RTTN: variants seen among roughly 807,000 people sequenced by gnomAD.
RTTN encodes rotatin.
In RTTN, 182 loss-of-function variants were observed where a neutral mutation model predicts 269.2. The ratio of observed to expected loss-of-function variants is 0.68; its 90% CI spans 0.60 to 0.76. RTTN has a LOEUF of 0.76. Ranked by LOEUF, RTTN falls within the 30% of genes least tolerant of loss-of-function variation. The pLI is 0.00. For missense variants in RTTN, 2,545 were observed against 2,608.6 expected, an observed-to-expected ratio of 0.98 and a Z score of 0.53; for synonymous variants, 1,006 against 963.5, an observed-to-expected ratio of 1.04 and a Z score of -0.82.
intron 22 of RTTN, 70 bp from the exon 23 acceptor site, chr18:70,134,611 C>T: frequency 9.7e-7 from 1 of 1,027,840 alleles, no homozygotes; most frequent in Non-Finnish European, 1.5e-6. Flanking sequence ...ACAAATACAA[C>T]TTACCTCACT....
intron 40 of RTTN, among the ~76,000 whole-genome samples, chr18:70,040,937 G>A (rs955897557): frequency 7.9e-5 from 12 of 152,108 alleles, no homozygotes; most frequent in African/African-American, 2.7e-4. Flanking sequence ...ATGATAATGG[G>A]GCCAGGTGTG....
intron 30 of RTTN, 54 bp downstream of exon 30, chr18:70,092,056 T>G: frequency 1.7e-6 from 2 of 1,162,566 alleles, no homozygotes; most frequent in Non-Finnish European, 2.6e-6. Context: ...CCTGGCCCCG[T>G]GTCATTTGTT....
chr18:70,007,641 G>T (rs982804035), intron 46 of RTTN: 1 of 152,242 alleles, frequency 6.6e-6, no homozygotes, highest in African/African-American at 2.4e-5. Context: ...AAGGCACTGG[G>T]AAGTTCAAAC....
At chr18:70,074,823 A>T (rs1034892693) in intron 33 of RTTN, 2 of 151,874 alleles carry the variant, frequency 1.3e-5, no homozygotes, top group African/African-American at 4.8e-5. Context: ...AAGGAATAAA[A>T]AGGTTTCAGG....
intron 22 of RTTN, 36 bp downstream of exon 22, chr18:70,135,148 T>C (rs2060093847): frequency 2.6e-6 from 3 of 1,173,396 alleles, no homozygotes; most frequent in South Asian, 2.8e-5. Flanking sequence ...AGATAAATAG[T>C]TAAGAGTAAA....
Position 70,003,992 on chromosome 18 carries a change from T to C in RTTN, c.*159A>G, listed in dbSNP as rs1173561972. 3 of 548,392 alleles carry C rather than the reference T, an allele frequency of 5.5e-6. No homozygotes were observed. Among genetic ancestry groups the C allele is most frequent in the Non-Finnish European group, 6.5e-6 (2 of 308,170 alleles). The allele number at this position is 548,392 out of a possible 1,614,324, so 34.0% of individuals were successfully genotyped here. A position where few individuals can be genotyped will look rare whatever the true frequency, so the allele number is the denominator to read the frequency against. On this transcript the variant is annotated 3_prime_UTR_variant, in exon 49 of 49. Coordinates refer to ENST00000640769, the MANE Select transcript of RTTN (RefSeq NM_173630.4). ...GGAGAGCTGCCACAACTGGACGGTG[T>C]TGGAGTATCACCAGTTCTCTCTCTC...
intron 5 of RTTN, among the ~76,000 whole-genome samples, chr18:70,198,461 C>A (rs1194531048): frequency 2.0e-5 from 3 of 152,146 alleles, no homozygotes; most frequent in African/African-American, 4.8e-5. Context: ...GAATTCATGT[C>A]ATTATTAAAA....
chr18:70,003,403 C>A lies in RTTN; in HGVS notation c.*748G>T, dbSNP rs1396094835. 6.6e-6 allele frequency: 1 copy of A among 152,096 alleles called. No homozygotes were observed. Among genetic ancestry groups the A allele is most frequent in the Admixed American group, 6.6e-5 (1 of 15,264 alleles). 9.4% of individuals were successfully genotyped at this position (152,096 alleles called of 1,614,324 possible). A position where few individuals can be genotyped will look rare whatever the true frequency, so the allele number is the denominator to read the frequency against. On this transcript the variant is annotated 3_prime_UTR_variant, in exon 49 of 49. Transcript: ENST00000640769. Reference sequence around the variant, plus strand: ...GTTTTGGGCTGAGCTAAATTTGAACCCAGGCTTATACAGCCCCAACTCTAT... The same window carrying A: ...GTTTTGGGCTGAGCTAAATTTGAACACAGGCTTATACAGCCCCAACTCTAT...
intron 35 of RTTN, among the ~76,000 whole-genome samples, chr18:70,061,091 TTTTC>T: frequency 6.6e-6 from 1 of 152,298 alleles, no homozygotes; most frequent in African/African-American, 2.4e-5. Flanking sequence ...TATACTTTTT[TTTTC>T]TTTTAGATAT....
At chr18:70,051,615 A>C (rs2057671655) in intron 38 of RTTN, 67 bp from the exon 39 acceptor site, 2 of 1,235,492 alleles carry the variant, frequency 1.6e-6, no homozygotes, top group South Asian at 3.0e-5. Flanking sequence ...TCAAGATATA[A>C]AACTTACCAC....
chr18:70,157,331 G>A (rs1414486472), intron 14 of RTTN, among the ~76,000 whole-genome samples: 1 of 152,188 alleles, frequency 6.6e-6, no homozygotes, highest in Admixed American at 6.5e-5. Flanking sequence ...CCCAGGGTTA[G>A]AGCACACAGC....
chr18:70,027,204 T>G (rs1211487761), intron 43 of RTTN, among the ~76,000 whole-genome samples: 1 of 152,134 alleles, frequency 6.6e-6, no homozygotes, highest in Non-Finnish European at 1.5e-5. Context: ...CCTTCCAGTA[T>G]GAAAACCCCT....
chr18:70,086,267 A>G (rs2058695514), intron 32 of RTTN, among the ~76,000 whole-genome samples: 2 of 152,188 alleles, frequency 1.3e-5, no homozygotes, highest in Admixed American at 6.5e-5. Flanking sequence ...AGGACAAACT[A>G]TTTAAACTCT....
intron 40 of RTTN, among the ~76,000 whole-genome samples, chr18:70,034,187 A>G (rs1022880718): frequency 1.3e-5 from 2 of 151,990 alleles, no homozygotes; most frequent in Non-Finnish European, 2.9e-5. Flanking sequence ...AGAAGTAGGA[A>G]CTCCTCCTCA....
intron 9 of RTTN, among the ~76,000 whole-genome samples, chr18:70,188,582 T>C (rs531122930): frequency 6.6e-6 from 1 of 152,366 alleles, no homozygotes; most frequent in South Asian, 2.1e-4. Context: ...AGAAAACGTA[T>C]TCCAATAATT....
intron 9 of RTTN, among the ~76,000 whole-genome samples, chr18:70,190,154 C>T (rs2061636876): frequency 6.6e-6 from 1 of 151,970 alleles, no homozygotes; most frequent in Admixed American, 6.6e-5. Flanking sequence ...TGCCAGTCCA[C>T]CTTTTATACC....
chr18:70,152,429 A>T (rs938986129), intron 14 of RTTN, among the ~76,000 whole-genome samples: 24 of 152,186 alleles, frequency 1.6e-4, no homozygotes, highest in Admixed American at 7.2e-4. Context: ...ATTCAATGAG[A>T]TAATATACTT....
intron 40 of RTTN, among the ~76,000 whole-genome samples, chr18:70,037,713 T>C (rs4891388): frequency 0.81 from 122,743 of 152,092 alleles, 53,950 homozygotes; most frequent in East Asian, 1. Context: ...AAGACTCCTT[T>C]TGTTTGAGAA....
chr18:70,026,505 T>C (rs1199723241), intron 43 of RTTN, among the ~76,000 whole-genome samples: 1 of 152,122 alleles, frequency 6.6e-6, no homozygotes, highest in Admixed American at 6.5e-5. Flanking sequence ...TTTTGCCTTC[T>C]TGTCATGATT....
Sources: allele counts gnomAD v4.1 joint callset (sites outside exome capture counted in the v4.1 genomes callset), GRCh38; gene constraint gnomAD v4.1.1; transcripts MANE v1.5; gene names NCBI Gene and HGNC (gene_info 2026-07-23, HGNC 2026-07-21).